CCDC126: variants seen among roughly 807,000 people sequenced by gnomAD.
CCDC126 encodes the protein coiled-coil domain containing 126.
A neutral mutation model predicts 11.7 loss-of-function variants in CCDC126; 5 were observed. The observed-to-expected ratio is 0.43, with a 90% CI of 0.22 to 0.90. CCDC126 has a LOEUF of 0.90. Among genes scored for constraint, CCDC126 ranks in the 40% least tolerant of loss-of-function variants. The pLI, the probability that CCDC126 is intolerant of heterozygous loss-of-function variation, is 0.27. For missense variants in CCDC126, 150 were observed against 163.1 expected, an observed-to-expected ratio of 0.92 and a Z score of 0.44; for synonymous variants, 60 against 61.9, an observed-to-expected ratio of 0.97 and a Z score of 0.14.
intron 3 of CCDC126, among the ~76,000 whole-genome samples, chr7:23,618,784 A>T (rs1782839450): frequency 6.6e-6 from 1 of 151,696 alleles, no homozygotes; most frequent in Admixed American, 6.6e-5. Context: ...TGAACTCCTG[A>T]CCTCATGTGA....
chr7:23,638,124 C>T (rs1449280132), intron 3 of CCDC126, among the ~76,000 whole-genome samples: 3 of 147,402 alleles, frequency 2.0e-5, no homozygotes, highest in African/African-American at 7.5e-5. Context: ...GCCAGCCGCC[C>T]CATCCGGGAG....
In CCDC126 at chr7:23,599,545, C is replaced by T. The variant is rs1782496053; in HGVS notation, c.-146+1494C>T. Among the ~76,000 whole-genome samples, 5 of 151,884 alleles carry T rather than the reference C, an allele frequency of 3.3e-5. No homozygotes were observed. The South Asian group carries it at 1.0e-3, about 32-fold the overall frequency. On this transcript the variant is annotated intron_variant, in intron 2 of 3. Transcript: ENST00000307471. ...TGAGACAGAGTCTTACTCTGTCACC[C>T]AGGCTGTAGTGCAGTGGTGCTGGCT...
At chr7:23,637,743 C>T (rs1433909279) in intron 3 of CCDC126, among the ~76,000 whole-genome samples, 10 of 54,156 alleles carry the variant, frequency 1.8e-4, no homozygotes, top group East Asian at 1.4e-3. Flanking sequence ...CCGCCCCGTC[C>T]GGGAGGTGAG....
At chr7:23,605,677 G>A (rs1782611869) in intron 2 of CCDC126, among the ~76,000 whole-genome samples, 1 of 152,092 alleles carries the variant, frequency 6.6e-6, no homozygotes, top group African/African-American at 2.4e-5. Context: ...ATATTCCATT[G>A]TATGTAGATA....
At chr7:23,625,560 G>C (rs1782999857) in intron 3 of CCDC126, among the ~76,000 whole-genome samples, 1 of 149,356 alleles carries the variant, frequency 6.7e-6, no homozygotes, top group African/African-American at 2.5e-5. Flanking sequence ...TTTGTTGGCT[G>C]TTTGTATTTC....
chr7:23,643,240 A>T lies in CCDC126; in HGVS notation c.*125A>T. 1.2e-6 allele frequency: 1 copy of T among 826,240 alleles called. No homozygotes were observed. The highest frequency in any genetic ancestry group is 1.8e-6 in the Non-Finnish European group (1 of 542,506). The allele number at this position is 826,240 out of a possible 1,614,324, so 51.2% of individuals were successfully genotyped here. ...ATAAAAGCTCTACACATTTTCAAGG[A>T]GTATGCTGGATTCATGGAACTCTAA... On this transcript the variant is annotated 3_prime_UTR_variant, in exon 4 of 4. Coordinates refer to ENST00000307471, the MANE Select transcript of CCDC126 (RefSeq NM_138771.4).
chr7:23,615,654 T>C (rs1205816747), intron 3 of CCDC126, among the ~76,000 whole-genome samples: 2 of 152,222 alleles, frequency 1.3e-5, no homozygotes, highest in African/African-American at 4.8e-5. Context: ...CTTGAACACT[T>C]AGAAGCCATT....
chr7:23,638,727 TAAAAAA>T (rs70954398), intron 3 of CCDC126, among the ~76,000 whole-genome samples: 3 of 89,670 alleles, frequency 3.3e-5, no homozygotes, highest in African/African-American at 1.2e-4. Flanking sequence ...AAAAAAAAAT[TAAAAAA>T]AAAAAAAAAA....
intron 3 of CCDC126, among the ~76,000 whole-genome samples, chr7:23,618,658 C>G (rs1230678372): frequency 2.0e-5 from 3 of 150,748 alleles, no homozygotes; most frequent in African/African-American, 7.3e-5. Flanking sequence ...TCAAGTGACT[C>G]TCCTGCCTCA....
intron 3 of CCDC126, among the ~76,000 whole-genome samples, chr7:23,618,538 A>ATTTTTTTTT (rs5741645): frequency 1.7e-5 from 2 of 119,620 alleles, no homozygotes; most frequent in African/African-American, 3.1e-5. Flanking sequence ...GATCAGCTAA[A>ATTTTTTTTT]TTTTTTTTTT....
At chr7:23,599,867 C>G (rs988863868) in intron 2 of CCDC126, among the ~76,000 whole-genome samples, 1 of 152,182 alleles carries the variant, frequency 6.6e-6, no homozygotes, top group African/African-American at 2.4e-5. Flanking sequence ...ACACTGCATC[C>G]TCTACCTCCC....
chr7:23,620,358 C>G (rs1401146343), intron 3 of CCDC126, among the ~76,000 whole-genome samples: 15 of 152,214 alleles, frequency 9.9e-5, no homozygotes, highest in African/African-American at 3.1e-4. Context: ...TTTCATGTGT[C>G]TGTTGGCTGC....
At chr7:23,634,790 T>C (rs1412787333) in intron 3 of CCDC126, among the ~76,000 whole-genome samples, 5 of 152,144 alleles carry the variant, frequency 3.3e-5, no homozygotes. Context: ...TGTTTTGTAG[T>C]GTTACCTTCT....
At chr7:23,616,199 C>G (rs996853013) in intron 3 of CCDC126, among the ~76,000 whole-genome samples, 3 of 152,164 alleles carry the variant, frequency 2.0e-5, no homozygotes, top group African/African-American at 7.2e-5. Context: ...CTAGCATATT[C>G]AGACACATTA....
intron 2 of CCDC126, among the ~76,000 whole-genome samples, chr7:23,600,962 C>T (rs1037860032): frequency 4.0e-5 from 6 of 151,790 alleles, no homozygotes; most frequent in African/African-American, 1.2e-4. Context: ...TGCAGTCAGT[C>T]CTAGCTACTA....
intron 2 of CCDC126, chr7:23,601,731 T>G (rs1782548285): frequency 6.6e-6 from 1 of 152,214 alleles, no homozygotes; most frequent in African/African-American, 2.4e-5. Flanking sequence ...AATTTTGAGA[T>G]AGAGTCTCTG....
At chr7:23,619,584 A>T (rs900248499) in intron 3 of CCDC126, 5 of 217,726 alleles carry the variant, frequency 2.3e-5, no homozygotes, top group Admixed American at 1.1e-4. Context: ...TTTTAAGAAA[A>T]ATATATTTTT....
At chr7:23,627,026 A>G (rs375279165) in intron 3 of CCDC126, among the ~76,000 whole-genome samples, 1 of 152,162 alleles carries the variant, frequency 6.6e-6, no homozygotes, top group East Asian at 1.9e-4. Flanking sequence ...GCCTAGAACA[A>G]TGAATTGGGA....
intron 3 of CCDC126, among the ~76,000 whole-genome samples, chr7:23,632,741 G>T (rs1443675941): frequency 2.0e-5 from 3 of 152,180 alleles, no homozygotes; most frequent in Non-Finnish European, 1.5e-5. Context: ...AAAACCCAAA[G>T]CCAAACCTGT....
Sources: allele counts gnomAD v4.1 joint callset (sites outside exome capture counted in the v4.1 genomes callset), GRCh38; gene constraint gnomAD v4.1.1; transcripts MANE v1.5; gene names NCBI Gene and HGNC (gene_info 2026-07-23, HGNC 2026-07-21).